Variants in FGF11 observed in about 807,000 individuals in gnomAD.
The protein encoded by FGF11 is fibroblast growth factor 11.
Under a neutral mutation model 25.1 loss-of-function variants are expected in FGF11, and 25 were observed. That is an observed-to-expected ratio of 1.00 (90% CI 0.73 to 1.39). The LOEUF is 1.39. Among genes scored for constraint, FGF11 ranks in the 40% most tolerant of loss-of-function variants. The probability of loss-of-function intolerance (pLI) is 0.00; values close to 1 mark genes in which losing one functional copy is unlikely to be tolerated. For missense variants in FGF11, 320 were observed against 311.0 expected (o/e 1.03, Z -0.22); for synonymous variants, 130 against 128.9 (o/e 1.01, Z -0.06).
rs947793619 is a variant in FGF11 at position 7,439,804 on chromosome 17, C to G, written c.184C>G (p.Arg62Gly). The G allele has an allele frequency of 6.9e-7, 1 of 1,441,142 alleles. No homozygotes were observed. Among genetic ancestry groups the G allele is most frequent in the Non-Finnish European group, 9.1e-7 (1 of 1,103,824 alleles). 89.3% of individuals were successfully genotyped at this position (1,441,142 alleles called of 1,614,324 possible). The change falls in exon 1 of 5, where the codon CGC (arginine) becomes GGC (glycine). Residue 62 changes from arginine to glycine, a missense_variant. Physicochemically the swap from Arg to Gly is moderately radical, Grantham distance 125. Coordinates refer to ENST00000293829, the MANE Select transcript of FGF11 (RefSeq NM_004112.4). ...LCGGRPARPD[R>G]GPEPQLKGIV... ...CGGGGGGCGGCCCGCGCGGCCGGAC[C>G]GCGGCCCGGGTGAGTGCGGCTGGGG...
chr17:7,439,778 G>T lies in FGF11; in HGVS notation c.158G>T (p.Cys53Phe). ...ATCCTGCTGTCCAAGGTGCGACTGT[G>T]CGGGGGGCGGCCCGCGCGGCCGGAC... Reference protein sequence around the residue: ...LLILLSKVRLCGGRPARPDRG... With the variant: ...LLILLSKVRLFGGRPARPDRG... The change falls in exon 1 of 5, where the codon TGC (cysteine) becomes TTC (phenylalanine). Residue 53 changes from cysteine to phenylalanine, a missense_variant. Coordinates refer to ENST00000293829, the MANE Select transcript of FGF11 (RefSeq NM_004112.4). 1 of 1,488,080 alleles carries T rather than the reference G, an allele frequency of 6.7e-7. No individual in the cohort carries two copies. 92.2% of individuals were successfully genotyped at this position (1,488,080 alleles called of 1,614,324 possible). A position where few individuals can be genotyped will look rare whatever the true frequency, so the allele number is the denominator to read the frequency against.
chr17:7,439,584 C>G lies in FGF11; in HGVS notation c.-37C>G. 7.3e-7 allele frequency: 1 copy of G among 1,378,996 alleles called. No individual in the cohort carries two copies. Among genetic ancestry groups the G allele is most frequent in the Non-Finnish European group, 9.3e-7 (1 of 1,074,178 alleles). The allele number at this position is 1,378,996 out of a possible 1,614,324, so 85.4% of individuals were successfully genotyped here. A position where few individuals can be genotyped will look rare whatever the true frequency, so the allele number is the denominator to read the frequency against. ...CTGGGGGAGCCCAGCGCGCTCCGGG[C>G]GCCTGCCGGTTTGGGGGTGTCTCCT... On this transcript the variant is annotated 5_prime_UTR_variant, in exon 1 of 5. Coordinates refer to ENST00000293829, the MANE Select transcript of FGF11 (RefSeq NM_004112.4).
upstream of FGF11, chr17:7,439,370 G>C (rs948713887): frequency 4.1e-5 from 16 of 391,700 alleles, no homozygotes; most frequent in Non-Finnish European, 6.3e-5. Context: ...AAACTCGAGG[G>C]TGGGATCCAC....
At position 7,443,293 on chromosome 17, in the gene FGF11, T is replaced by C. The variant is rs535510177; in HGVS notation, c.*147T>C. 337 of 590,320 alleles carry C rather than the reference T, an allele frequency of 5.7e-4. 1 individual carries two copies. The highest frequency in any genetic ancestry group is 3.4e-3 in the South Asian group (159 of 46,248). The allele number at this position is 590,320 out of a possible 1,614,324, so 36.6% of individuals were successfully genotyped here. A position where few individuals can be genotyped will look rare whatever the true frequency, so the allele number is the denominator to read the frequency against. On this transcript the variant is annotated 3_prime_UTR_variant, in exon 5 of 5. Transcript: ENST00000293829. ...CTAGGTGCTCTACCCTGAGGGAGCC[T>C]AGGGGCTGACTGTGACTTCCGAGGC...
rs975490072 is a variant in FGF11 at position 7,440,025 on chromosome 17, A to G, written c.193+212A>G. On this transcript the variant is annotated intron_variant, in intron 1 of 4. Transcript: ENST00000293829. This position sits in a 1 kb window ranked among gnomAD's most constrained non-coding sequence, Gnocchi z 5.4. Reference sequence around the variant, plus strand: ...CTCCTTATTTTCGAGGTCAAGGGGAAGGCTTGAGGGGCTGCCTGGCGCCCC... The same window carrying G: ...CTCCTTATTTTCGAGGTCAAGGGGAGGGCTTGAGGGGCTGCCTGGCGCCCC... 6.2e-5 allele frequency: 26 copies of G among 419,510 alleles called. No individual in the cohort carries two copies. Among genetic ancestry groups the G allele is most frequent in the Non-Finnish European group, 1.0e-4 (25 of 242,150 alleles). 26.0% of individuals were successfully genotyped at this position (419,510 alleles called of 1,614,324 possible). A position where few individuals can be genotyped will look rare whatever the true frequency, so the allele number is the denominator to read the frequency against.
Position 7,439,747 on chromosome 17 carries a change from C to A in FGF11, c.127C>A (p.Leu43Ile). 1 of 1,569,672 alleles carries A rather than the reference C, an allele frequency of 6.4e-7. No homozygotes were observed. The highest frequency in any genetic ancestry group is 8.6e-7 in the Non-Finnish European group (1 of 1,162,594). ...CACCAAGTCCCTTTGCCAGAAGCAG[C>A]TCCTCATCCTGCTGTCCAAGGTGCG... The part of the protein sequence containing the change: ...RGTKSLCQKQ[L>I]LILLSKVRLC... The change falls in exon 1 of 5, where the codon CTC becomes ATC. Residue 43 changes from leucine to isoleucine, a missense_variant. Coordinates refer to ENST00000293829, the MANE Select transcript of FGF11 (RefSeq NM_004112.4).
Position 7,444,887 on chromosome 17 carries a change from A to C in FGF11, c.*1741A>C, listed in dbSNP as rs1416037092. On this transcript the variant is annotated 3_prime_UTR_variant, in exon 5 of 5. Transcript: ENST00000293829. ...CAACTCCTGGCACTGCTCCCAGGGG[A>C]TCGGGTCTCCACTCCAGCTTTCTCA... is the stretch of plus-strand genomic sequence containing the variant. 6 of 593,084 alleles carry C rather than the reference A, an allele frequency of 1.0e-5. No homozygotes were observed. In the Admixed American group the frequency reaches 1.8e-4, roughly 17 times the overall value. 36.7% of individuals were successfully genotyped at this position (593,084 alleles called of 1,614,324 possible).
intron 3 of FGF11, chr17:7,442,278 T>C: frequency 2.7e-6 from 1 of 375,322 alleles, no homozygotes; most frequent in Non-Finnish European, 4.6e-6. Context: ...CTTTTTTTTT[T>C]TTTTAAATAG....
upstream of FGF11, chr17:7,439,455 G>A (rs1246908297): frequency 5.9e-6 from 3 of 512,308 alleles, no homozygotes; most frequent in Non-Finnish European, 9.9e-6. Context: ...GCTGTGGAGG[G>A]GGGTACGTGA....
Position 7,439,581 on chromosome 17 carries a change from G to A in FGF11, c.-40G>A. On this transcript the variant is annotated 5_prime_UTR_variant, in exon 1 of 5. Transcript: ENST00000293829. ...CCTCTGGGGGAGCCCAGCGCGCTCC[G>A]GGCGCCTGCCGGTTTGGGGGTGTCT... The A allele has an allele frequency of 4.4e-6, 6 of 1,378,332 alleles. No individual in the cohort carries two copies. Among genetic ancestry groups the A allele is most frequent in the Non-Finnish European group, 5.6e-6 (6 of 1,073,788 alleles). The allele number at this position is 1,378,332 out of a possible 1,614,324, so 85.4% of individuals were successfully genotyped here. A position where few individuals can be genotyped will look rare whatever the true frequency, so the allele number is the denominator to read the frequency against.
chr17:7,441,154 GAT>G (rs1182116053), intron 1 of FGF11: 1 of 343,468 alleles, frequency 2.9e-6, no homozygotes, highest in Non-Finnish European at 5.5e-6. Flanking sequence ...CCTGCCTTTT[GAT>G]ATATCTCTCC....
chr17:7,439,330 A>C, upstream of FGF11: 6 of 308,098 alleles, frequency 1.9e-5, no homozygotes, highest in Non-Finnish European at 3.0e-5. Flanking sequence ...ACTGGAGAGG[A>C]GGGAAAGGGG....
rs1220323484 is a variant in FGF11, at chr17:7,439,672, CCCGGGGGCAGCCGG to C, written c.57_70del (p.Gly20ValfsTer106). On this transcript the variant is annotated frameshift_variant, in exon 1 of 5. Transcript: ENST00000293829. LOFTEE classifies it high-confidence loss of function. ...CCGGCAGAAGCGGGAGGTCCGCGAG[CCCGGGGGCAGCCGG>C]CCGGTGTCGGCGCAGCGGCGCGTGT... 30 of 1,532,082 alleles carry C rather than the reference CCCGGGGGCAGCCGG, an allele frequency of 2.0e-5. No individual in the cohort carries two copies. The highest frequency in any genetic ancestry group is 2.6e-5 in the Non-Finnish European group (30 of 1,146,722). The allele number at this position is 1,532,082 out of a possible 1,614,324, so 94.9% of individuals were successfully genotyped here. A position where few individuals can be genotyped will look rare whatever the true frequency, so the allele number is the denominator to read the frequency against.
At chr17:7,441,733 G>T in intron 2 of FGF11, 43 bp from the exon 3 acceptor site, 2 of 1,567,634 alleles carry the variant, frequency 1.3e-6, no homozygotes, top group Non-Finnish European at 1.7e-6. Flanking sequence ...CTCAGGTGAG[G>T]GTCAGAGGCC....
In FGF11 at chr17:7,443,243, A is replaced by T; in HGVS notation, c.*97A>T. The T allele has an allele frequency of 2.6e-6, 2 of 779,226 alleles. No homozygotes were observed. Among genetic ancestry groups the T allele is most frequent in the Non-Finnish European group, 2.1e-6 (1 of 472,926 alleles). 48.3% of individuals were successfully genotyped at this position (779,226 alleles called of 1,614,324 possible). ...CCTGCTCTCACCCCTGCTGCCACACACATGCCCTGAGCAGCCAGGTCCCAC... is the reference window on the plus strand; with the variant it reads ...CCTGCTCTCACCCCTGCTGCCACACTCATGCCCTGAGCAGCCAGGTCCCAC... On this transcript the variant is annotated 3_prime_UTR_variant, in exon 5 of 5. Transcript: ENST00000293829.
Position 7,439,701 on chromosome 17 carries a change from GC to G in FGF11, c.82del (p.Arg28GlyfsTer79). 6.4e-7 allele frequency: 1 copy of G among 1,564,418 alleles called. No homozygotes were observed. The highest frequency in any genetic ancestry group is 8.6e-7 in the Non-Finnish European group (1 of 1,160,704). On this transcript the variant is annotated frameshift_variant, in exon 1 of 5. Coordinates refer to ENST00000293829, the MANE Select transcript of FGF11 (RefSeq NM_004112.4). LOFTEE classifies it high-confidence loss of function. ...PGGSRPVSAQ[R>X]RVCPRGTKSL... Reference sequence around the variant, plus strand: ...GGGGCAGCCGGCCGGTGTCGGCGCAGCGGCGCGTGTGTCCCCGCGGCACCAA... The same window carrying G: ...GGGGCAGCCGGCCGGTGTCGGCGCAGGGCGCGTGTGTCCCCGCGGCACCAA...
At chr17:7,442,131 C>T (rs1333649690) in intron 3 of FGF11, 1 of 435,056 alleles carries the variant, frequency 2.3e-6, no homozygotes, top group East Asian at 3.9e-5. Flanking sequence ...CCTTTTAGGG[C>T]CCCTACTTCT....
chr17:7,439,635 C>A lies in FGF11; in HGVS notation c.15C>A (p.Ala5=). ...CCCGGGGCGCTATGGCGGCGCTGGC[C>A]AGTAGCCTGATCCGGCAGAAGCGGG... MAAL[A]SSLIRQKREV... The change falls in exon 1 of 5, where the codon GCC becomes GCA. Residue 5 remains alanine (A), a synonymous_variant. Transcript: ENST00000293829. 1 of 1,485,810 alleles carries A rather than the reference C, an allele frequency of 6.7e-7. No homozygotes were observed. Among genetic ancestry groups the A allele is most frequent in the Non-Finnish European group, 8.9e-7 (1 of 1,127,214 alleles). The allele number at this position is 1,485,810 out of a possible 1,614,324, so 92.0% of individuals were successfully genotyped here. A position where few individuals can be genotyped will look rare whatever the true frequency, so the allele number is the denominator to read the frequency against.
At chr17:7,439,477 T>TGGG (rs1908207524), upstream of FGF11, 1 of 483,888 alleles carries the variant, frequency 2.1e-6, no homozygotes, top group Non-Finnish European at 3.1e-6. Context: ...GGGGGGGGTC[T>TGGG]GGGGCTTATC....
Sources: allele counts gnomAD v4.1 joint callset, GRCh38; gene constraint gnomAD v4.1.1; non-coding constraint Gnocchi (gnomAD v3.1); transcripts MANE v1.5; gene names NCBI Gene and HGNC (gene_info 2026-07-23, HGNC 2026-07-21).